Variants in PDZD8 observed in about 807,000 individuals in gnomAD.
The protein encoded by PDZD8 is PDZ domain containing 8.
Under a neutral mutation model 85.8 loss-of-function variants are expected in PDZD8, and 14 were observed. The observed-to-expected ratio is 0.16, with a 90% CI of 0.11 to 0.26. The LOEUF (loss-of-function observed/expected upper bound fraction) is 0.26. PDZD8 is among the 10% of genes least tolerant of loss of function. The probability of loss-of-function intolerance (pLI) is 1.00; values close to 1 mark genes in which losing one functional copy is unlikely to be tolerated. For synonymous variants in PDZD8, 592 were observed against 568.6 expected, an observed-to-expected ratio of 1.04 and a Z score of -0.59; for missense variants, 1,197 against 1,424.3, an observed-to-expected ratio of 0.84 and a Z score of 2.57.
At chr10:117,354,346 G>A (rs1244666671) in intron 1 of PDZD8, among the ~76,000 whole-genome samples, 2 of 152,180 alleles carry the variant, frequency 1.3e-5, no homozygotes, top group African/African-American at 2.4e-5. Flanking sequence ...AATCAAGTTC[G>A]TGGCTTGTTA....
intron 2 of PDZD8, among the ~76,000 whole-genome samples, chr10:117,322,819 G>A (rs1844248823): frequency 6.6e-6 from 1 of 152,156 alleles, no homozygotes; most frequent in Non-Finnish European, 1.5e-5. Flanking sequence ...AGCCTGGTCA[G>A]GGAATGGGTC....
Position 117,284,593 on chromosome 10 carries a change from C to T in PDZD8, c.2140G>A (p.Ala714Thr), listed in dbSNP as rs1844626784. ...IEACHRYLNIALWCRDPFKLG... is the reference protein window; with the variant it reads ...IEACHRYLNITLWCRDPFKLG... ...TTGAAAGGATCCCTGCACCACAATG[C>T]AATGTTTAAGTACCTGTGACAGGCT... The change falls in exon 5 of 5, where the codon GCA becomes ACA. Residue 714 changes from alanine (A) to threonine (T), a missense_variant. This residue lies in a region of PDZD8 where 418 missense variants were observed against 571.1 expected (regional missense o/e 0.73). Coordinates refer to ENST00000334464, the MANE Select transcript of PDZD8 (RefSeq NM_173791.5). 8.7e-6 allele frequency: 14 copies of T among 1,614,180 alleles called. No homozygotes were observed. Among genetic ancestry groups the T allele is most frequent in the Non-Finnish European group, 1.0e-5 (12 of 1,180,030 alleles).
chr10:117,333,274 T>C (rs1844461702), intron 2 of PDZD8, among the ~76,000 whole-genome samples: 1 of 152,006 alleles, frequency 6.6e-6, no homozygotes, highest in African/African-American at 2.4e-5. Flanking sequence ...ATGGATATAA[T>C]AACACTAATC....
chr10:117,368,819 G>T (rs1845134219), intron 1 of PDZD8, among the ~76,000 whole-genome samples: 2 of 140,906 alleles, frequency 1.4e-5, no homozygotes, highest in African/African-American at 2.6e-5. Flanking sequence ...CTGGCAGAGT[G>T]ACTTTTTAAA....
At chr10:117,303,962 G>C (rs566287555) in intron 3 of PDZD8, among the ~76,000 whole-genome samples, 3 of 152,390 alleles carry the variant, frequency 2.0e-5, no homozygotes, top group Admixed American at 6.5e-5. Context: ...GAAATGTGGG[G>C]TCAGAGCCCC....
In PDZD8 at chr10:117,282,345, G is replaced by A. The variant is rs1325826530; in HGVS notation, c.*923C>T. On this transcript the variant is annotated 3_prime_UTR_variant, in exon 5 of 5. Transcript: ENST00000334464. ...CTTTATTTCCTATGGGAGAACTGAT[G>A]AGGAAAATTATCATAAATGTTTAAA... 1 of 152,076 alleles carries A rather than the reference G, an allele frequency of 6.6e-6. No homozygotes were observed. Among genetic ancestry groups the A allele is most frequent in the African/African-American group, 2.4e-5 (1 of 41,410 alleles). The allele number at this position is 152,076 out of a possible 1,614,324, so 9.4% of individuals were successfully genotyped here.
chr10:117,334,414 C>T (rs567469911), intron 2 of PDZD8, among the ~76,000 whole-genome samples: 136 of 152,136 alleles, frequency 8.9e-4, no homozygotes, highest in African/African-American at 2.8e-3. Context: ...GAGGCTGAGG[C>T]GGGAGGATCG....
chr10:117,368,803 TTTTTTCTGG>T (rs1164447989), intron 1 of PDZD8, among the ~76,000 whole-genome samples: 16 of 152,080 alleles, frequency 1.1e-4, no homozygotes, highest in Non-Finnish European at 1.8e-4. Flanking sequence ...AGGCATTTTT[TTTTTTCTGG>T]CAGAGTGACT....
chr10:117,372,131 T>G (rs1589600760), intron 1 of PDZD8, among the ~76,000 whole-genome samples: 1 of 152,252 alleles, frequency 6.6e-6, no homozygotes, highest in Non-Finnish European at 1.5e-5. Context: ...TCTGTGCAGC[T>G]GACTGAGCAT....
intron 2 of PDZD8, among the ~76,000 whole-genome samples, chr10:117,327,754 TG>T (rs1275103429): frequency 6.6e-6 from 1 of 152,258 alleles, no homozygotes; most frequent in Non-Finnish European, 1.5e-5. Flanking sequence ...TTTTCCATGA[TG>T]AAAATATTTT....
chr10:117,310,787 A>ATCT (rs1844023879), intron 3 of PDZD8, among the ~76,000 whole-genome samples: 1 of 152,178 alleles, frequency 6.6e-6, no homozygotes, highest in South Asian at 2.1e-4. Flanking sequence ...CCTTTTGATA[A>ATCT]GATTAAGACT....
At chr10:117,352,794 G>C (rs540851270) in intron 1 of PDZD8, among the ~76,000 whole-genome samples, 18 of 152,274 alleles carry the variant, frequency 1.2e-4, no homozygotes, top group African/African-American at 4.3e-4. Flanking sequence ...TAGACACAAG[G>C]CTGGCCACAC....
At chr10:117,294,327 C>CAAAAAAAAAAAAAAAAAAA (rs71013656) in intron 3 of PDZD8, among the ~76,000 whole-genome samples, 2 of 142,548 alleles carry the variant, frequency 1.4e-5, no homozygotes, top group African/African-American at 2.7e-5. Context: ...ACCAAAAAGA[C>CAAAAAAAAAAAAAAAAAAA]AAAAAAAAAA....
chr10:117,371,187 T>A (rs751840981), intron 1 of PDZD8, among the ~76,000 whole-genome samples: 1 of 152,164 alleles, frequency 6.6e-6, no homozygotes, highest in Non-Finnish European at 1.5e-5. Context: ...ATTTATTTAT[T>A]TACTTATTTA....
intron 3 of PDZD8, 138 bp from the exon 4 acceptor site, chr10:117,290,486 G>C: frequency 1.7e-6 from 1 of 573,406 alleles, no homozygotes; most frequent in East Asian, 3.0e-5. Context: ...AAAGGAAGGA[G>C]AAAATCTTTA....
chr10:117,319,090 G>GT, intron 2 of PDZD8, 116 bp from the exon 3 acceptor site: 1 of 678,976 alleles, frequency 1.5e-6, no homozygotes. Flanking sequence ...TATAGCTTTA[G>GT]TAACAGAAAA....
chr10:117,288,813 T>C (rs951296430), intron 4 of PDZD8, among the ~76,000 whole-genome samples: 2 of 152,208 alleles, frequency 1.3e-5, no homozygotes, highest in African/African-American at 4.8e-5. Context: ...CGGCCTGTTG[T>C]TATTGTAATT....
Position 117,375,334 on chromosome 10 carries a change from G to T in PDZD8, c.-107C>A. On this transcript the variant is annotated 5_prime_UTR_variant, in exon 1 of 5. Transcript: ENST00000334464. ...TTTGAGGACATCGGGCGGCTGGGTCGGGGCGAGCGGCTCCGTGGGCCTCGT... is the reference window on the plus strand; with the variant it reads ...TTTGAGGACATCGGGCGGCTGGGTCTGGGCGAGCGGCTCCGTGGGCCTCGT... The T allele has an allele frequency of 9.2e-7, 1 of 1,084,144 alleles. No homozygotes were observed. The allele number at this position is 1,084,144 out of a possible 1,614,324, so 67.2% of individuals were successfully genotyped here.
At chr10:117,348,870 C>T (rs552701023) in intron 1 of PDZD8, among the ~76,000 whole-genome samples, 1 of 152,150 alleles carries the variant, frequency 6.6e-6, no homozygotes, top group Non-Finnish European at 1.5e-5. Context: ...TTGATTACCA[C>T]CCTGTTTTCT....
Sources: allele counts gnomAD v4.1 joint callset (sites outside exome capture counted in the v4.1 genomes callset), GRCh38; gene constraint gnomAD v4.1.1; regional missense constraint gnomAD v4.1.1; transcripts MANE v1.5; gene names NCBI Gene and HGNC (gene_info 2026-07-23, HGNC 2026-07-21).